RILPL1: variants seen among roughly 807,000 people sequenced by gnomAD.
RILPL1 encodes the protein Rab interacting lysosomal protein like 1.
Under a neutral mutation model 50.3 loss-of-function variants are expected in RILPL1, and 33 were observed. The ratio of observed to expected loss-of-function variants is 0.66; its 90% CI spans 0.50 to 0.88. The LOEUF (loss-of-function observed/expected upper bound fraction) is 0.88. RILPL1 is among the 40% of genes least tolerant of loss of function. RILPL1 has a pLI of 0.00. For missense variants in RILPL1, 418 were observed against 542.5 expected (o/e 0.77, Z 2.28); for synonymous variants, 205 against 228.6 (o/e 0.90, Z 0.93).
In RILPL1 at chr12:123,491,515, C is replaced by A. The variant is rs1047757534; in HGVS notation, c.802-5710G>T. Among the ~76,000 whole-genome samples, 1 of 152,182 alleles carries A rather than the reference C, an allele frequency of 6.6e-6. No individual in the cohort carries two copies. Among genetic ancestry groups the A allele is most frequent in the African/African-American group, 2.4e-5 (1 of 41,458 alleles). On this transcript the variant is annotated intron_variant, in intron 4 of 6. Transcript: ENST00000376874. The surrounding 1 kb of genome is among the most constrained non-coding windows in gnomAD (Gnocchi z 4.0). Reference sequence around the variant, plus strand: ...TGCCTCAAAGCACCCTGCCCTCCCACGGCAGCCCCTTCACAGTACTTCTCA... The same window carrying A: ...TGCCTCAAAGCACCCTGCCCTCCCAAGGCAGCCCCTTCACAGTACTTCTCA...
At chr12:123,524,545 T>A (rs1885181849) in intron 1 of RILPL1, among the ~76,000 whole-genome samples, 1 of 152,082 alleles carries the variant, frequency 6.6e-6, no homozygotes, top group Non-Finnish European at 1.5e-5. Flanking sequence ...CATCAGCTGA[T>A]GAATGGGTAA....
chr12:123,506,659 G>A (rs1020652417), intron 2 of RILPL1, among the ~76,000 whole-genome samples: 2 of 152,186 alleles, frequency 1.3e-5, no homozygotes, highest in Admixed American at 6.5e-5. Context: ...CGAGCCTCAC[G>A]GCTTATGACT....
chr12:123,472,889 A>C, intron 6 of RILPL1: 1 of 559,786 alleles, frequency 1.8e-6, no homozygotes, highest in Non-Finnish European at 3.2e-6. Context: ...GGTACCTTGG[A>C]GGTCACGCGG....
At chr12:123,480,703 C>G (rs1368360793) in intron 6 of RILPL1, among the ~76,000 whole-genome samples, 1 of 151,944 alleles carries the variant, frequency 6.6e-6, no homozygotes, top group Non-Finnish European at 1.5e-5. Context: ...AGTCCCATTT[C>G]CTACCAAGCA....
intron 6 of RILPL1, chr12:123,475,529 C>T (rs922521389): frequency 1.2e-5 from 8 of 665,452 alleles, no homozygotes; most frequent in African/African-American, 7.1e-5. Context: ...TCAACATCCA[C>T]GTCAAATGGA....
chr12:123,528,971 C>T (rs1180478580), intron 1 of RILPL1, among the ~76,000 whole-genome samples: 1 of 152,114 alleles, frequency 6.6e-6, no homozygotes, highest in Non-Finnish European at 1.5e-5. Context: ...AATTCCTCAT[C>T]TGAGCCTACA....
intron 2 of RILPL1, among the ~76,000 whole-genome samples, chr12:123,506,298 C>T (rs1031637183): frequency 6.6e-6 from 1 of 152,180 alleles, no homozygotes; most frequent in African/African-American, 2.4e-5. Flanking sequence ...GGCGCAGAGG[C>T]CATGGGGGTG....
intron 6 of RILPL1, chr12:123,473,559 A>G (rs913475111): frequency 1.3e-5 from 2 of 152,016 alleles, no homozygotes; most frequent in African/African-American, 4.8e-5. Context: ...CATGGTACGC[A>G]TGGTTCTCTG....
intron 4 of RILPL1, among the ~76,000 whole-genome samples, chr12:123,493,878 G>A (rs577439608): frequency 8.0e-5 from 12 of 149,982 alleles, no homozygotes; most frequent in South Asian, 6.4e-4. Context: ...TCCACCTCCC[G>A]GGTTCAAGCG....
chr12:123,514,278 AG>A (rs1220193744), intron 2 of RILPL1: 1 of 152,234 alleles, frequency 6.6e-6, no homozygotes, highest in Non-Finnish European at 1.5e-5. Context: ...GGCAGAAAGC[AG>A]ATTAGAGGCT....
intron 2 of RILPL1, among the ~76,000 whole-genome samples, chr12:123,517,473 C>T (rs1037707517): frequency 3.4e-5 from 5 of 146,364 alleles, no homozygotes; most frequent in East Asian, 2.0e-4. Context: ...CAGGCTGGAG[C>T]GCAGCGGTGG....
At chr12:123,483,142 C>T (rs1306758254) in intron 6 of RILPL1, among the ~76,000 whole-genome samples, 6 of 152,044 alleles carry the variant, frequency 3.9e-5, no homozygotes, top group Admixed American at 3.9e-4. Flanking sequence ...ACTGAAACCT[C>T]TTCTGTACTA....
chr12:123,514,428 T>C (rs187475369), intron 2 of RILPL1: 1 of 148,972 alleles, frequency 6.7e-6, no homozygotes, highest in Non-Finnish European at 1.5e-5. Context: ...GTCATGATTT[T>C]AAAAAAAAAA....
chr12:123,502,004 G>T (rs1047371999), intron 2 of RILPL1, among the ~76,000 whole-genome samples: 1 of 151,258 alleles, frequency 6.6e-6, no homozygotes, highest in African/African-American at 2.4e-5. Context: ...GAACCTGGGA[G>T]GGGAGGTGGA....
At chr12:123,503,284 T>A (rs1479518474) in intron 2 of RILPL1, among the ~76,000 whole-genome samples, 3 of 137,914 alleles carry the variant, frequency 2.2e-5, no homozygotes, top group African/African-American at 5.4e-5. Context: ...CACTGCAACC[T>A]CTGTCTCCCC....
chr12:123,513,013 G>A (rs1884460438), intron 2 of RILPL1, among the ~76,000 whole-genome samples: 1 of 147,526 alleles, frequency 6.8e-6, no homozygotes, highest in Non-Finnish European at 1.5e-5. Flanking sequence ...TGTGGTGTGA[G>A]ATCTGTGTGT....
At chr12:123,481,549 A>G (rs901462249) in intron 6 of RILPL1, among the ~76,000 whole-genome samples, 1 of 150,422 alleles carries the variant, frequency 6.6e-6, no homozygotes, top group Non-Finnish European at 1.5e-5. Context: ...TCCTTAGCCA[A>G]ATTTGTTTTC....
rs1293007990 is a variant in RILPL1, at chr12:123,477,505, A to AT, written c.1068-4824dup. Among the ~76,000 whole-genome samples, 4 of 151,668 alleles carry AT rather than the reference A, an allele frequency of 2.6e-5. No individual in the cohort carries two copies. In the South Asian group the frequency reaches 6.2e-4, roughly 24 times the overall value. On this transcript the variant is annotated intron_variant, in intron 6 of 6. Coordinates refer to ENST00000376874, the MANE Select transcript of RILPL1 (RefSeq NM_178314.5). ...AGGCGTGCACCACCCTGCTGGGCTA[A>AT]TTTTTGTATTTTTAGTAGAGACGGG...
intron 2 of RILPL1, among the ~76,000 whole-genome samples, chr12:123,510,119 G>C (rs935535637): frequency 6.6e-6 from 1 of 152,196 alleles, no homozygotes; most frequent in African/African-American, 2.4e-5. Flanking sequence ...GCACAGAACC[G>C]GCAACCAAGC....
Sources: allele counts gnomAD v4.1 joint callset (sites outside exome capture counted in the v4.1 genomes callset), GRCh38; gene constraint gnomAD v4.1.1; non-coding constraint Gnocchi (gnomAD v3.1); transcripts MANE v1.5; gene names NCBI Gene and HGNC (gene_info 2026-07-23, HGNC 2026-07-21).